PCNX2: variants seen among roughly 807,000 people sequenced by gnomAD.
PCNX2 encodes pecanex 2, also known as pecanex-like protein 2.
In PCNX2, 168 loss-of-function variants were observed where a neutral mutation model predicts 223.8. That is an observed-to-expected ratio of 0.75 (90% CI 0.66 to 0.85). The LOEUF is 0.85. Ranked by LOEUF, PCNX2 falls within the 40% of genes least tolerant of loss-of-function variation. PCNX2 has a pLI of 0.00. For missense variants in PCNX2, 2,507 were observed against 2,675.5 expected (o/e 0.94, Z 1.39); for synonymous variants, 1,006 against 1,052.6 (o/e 0.96, Z 0.86).
chr1:233,206,117 C>T (rs1032989636), intron 13 of PCNX2, among the ~76,000 whole-genome samples: 1 of 152,044 alleles, frequency 6.6e-6, no homozygotes, highest in Non-Finnish European at 1.5e-5. Context: ...CCAGCTCAAG[C>T]CACAGATCCC....
chr1:233,166,788 T>C (rs1416112256), intron 17 of PCNX2, among the ~76,000 whole-genome samples: 2 of 152,164 alleles, frequency 1.3e-5, no homozygotes, highest in Non-Finnish European at 2.9e-5. Context: ...ATATATTTTT[T>C]TTTGGTGGGA....
At chr1:233,077,458 T>C (rs560602478) in intron 23 of PCNX2, among the ~76,000 whole-genome samples, 179 of 152,180 alleles carry the variant, frequency 1.2e-3, no homozygotes, top group Non-Finnish European at 2.1e-3. Flanking sequence ...GGCTCCTGTT[T>C]ACCAGTGATA....
intron 23 of PCNX2, among the ~76,000 whole-genome samples, chr1:233,081,044 C>T (rs1254089826): frequency 6.6e-6 from 1 of 152,122 alleles, no homozygotes; most frequent in Non-Finnish European, 1.5e-5. Context: ...TCAAATCACC[C>T]ATTTAAAAAG....
chr1:233,074,320 C>T (rs556535384), intron 23 of PCNX2, among the ~76,000 whole-genome samples: 2 of 152,224 alleles, frequency 1.3e-5, no homozygotes, highest in Middle Eastern at 3.4e-3. Flanking sequence ...CGAGGCCGGG[C>T]GCGGTGGCTC....
At chr1:233,133,305 T>C (rs1186168671) in intron 21 of PCNX2, among the ~76,000 whole-genome samples, 3 of 152,222 alleles carry the variant, frequency 2.0e-5, no homozygotes, top group Non-Finnish European at 2.9e-5. Flanking sequence ...ACATTTATTA[T>C]GTGAGATGAC....
At chr1:233,092,949 C>G (rs1392149283) in intron 22 of PCNX2, among the ~76,000 whole-genome samples, 1 of 152,142 alleles carries the variant, frequency 6.6e-6, no homozygotes, top group Non-Finnish European at 1.5e-5. Flanking sequence ...CAGGCGCCCA[C>G]TACCATGCCC....
chr1:233,075,631 A>G (rs138246722), intron 23 of PCNX2, among the ~76,000 whole-genome samples: 1 of 151,996 alleles, frequency 6.6e-6, no homozygotes, highest in Non-Finnish European at 1.5e-5. Context: ...GGAAACTGGT[A>G]AAGAATACAT....
chr1:233,225,229 T>C (rs1233413517), intron 10 of PCNX2, among the ~76,000 whole-genome samples: 2 of 152,046 alleles, frequency 1.3e-5, no homozygotes, highest in Non-Finnish European at 2.9e-5. Flanking sequence ...TTATTTTTAA[T>C]TTTTCTTCTT....
rs1159906557 is a variant in PCNX2 at position 233,158,216 on chromosome 1, T to C, written c.3517+2067A>G. ...CCGAGTTGTTAATGGCCCACTCCTATCTTTCACTGTTGAATTCTACACTCT... is the reference window on the plus strand; with the variant it reads ...CCGAGTTGTTAATGGCCCACTCCTACCTTTCACTGTTGAATTCTACACTCT... On this transcript the variant is annotated intron_variant, in intron 19 of 33. Transcript: ENST00000258229. Among the ~76,000 whole-genome samples the C allele has an allele frequency of 7.2e-5, 11 of 152,298 alleles. No homozygotes were observed. The East Asian group carries it at 1.5e-3, about 21-fold the overall frequency.
At chr1:233,051,225 C>T (rs767476023) in intron 25 of PCNX2, among the ~76,000 whole-genome samples, 1 of 152,132 alleles carries the variant, frequency 6.6e-6, no homozygotes. Flanking sequence ...GAAAAGGGAA[C>T]ATTTATACAC....
Position 232,986,343 on chromosome 1 carries a change from G to A in PCNX2, c.5989C>T (p.Gln1997Ter). 1 of 1,598,794 alleles carries A rather than the reference G, an allele frequency of 6.3e-7. No homozygotes were observed. The highest frequency in any genetic ancestry group is 8.5e-7 in the Non-Finnish European group (1 of 1,173,302). The change falls in exon 33 of 34, where the codon CAG becomes TAG. Residue 1997 changes from glutamine to a stop codon, truncating the protein, a stop_gained. Transcript: ENST00000258229. LOFTEE classifies it high-confidence loss of function. Reference protein sequence around the residue: ...LHASATSLHSQPPPVTTTGHL... With the variant: ...LHASATSLHS ...CCGGTGGTGGTGACGGGCGGGGGCT[G>A]AGAGTGCAGGGACGTGGCCGAGGCG...
intron 12 of PCNX2, among the ~76,000 whole-genome samples, chr1:233,212,954 T>C (rs776917598): frequency 2.0e-5 from 3 of 152,212 alleles, no homozygotes; most frequent in Non-Finnish European, 4.4e-5. Flanking sequence ...ATAAGTCATA[T>C]TGATAATTTG....
At chr1:233,311,333 G>A in the PCNX2 span, among the ~76,000 whole-genome samples, 1 of 152,196 alleles carries the variant, frequency 6.6e-6, no homozygotes, top group South Asian at 2.1e-4. Flanking sequence ...TGGAAAGATG[G>A]AGACCCAAGT....
At chr1:233,039,739 T>A (rs1671578900) in intron 25 of PCNX2, among the ~76,000 whole-genome samples, 1 of 152,204 alleles carries the variant, frequency 6.6e-6, no homozygotes, top group Non-Finnish European at 1.5e-5. Flanking sequence ...CTGGCTTTGG[T>A]TTTCAAATTA....
chr1:233,293,828 G>A, intron 1 of PCNX2: 5 of 404,068 alleles, frequency 1.2e-5, no homozygotes, highest in Non-Finnish European at 1.7e-5. Flanking sequence ...GCTCATATTA[G>A]GTCTAGTGAG....
At chr1:233,105,848 A>G (rs757858775) in intron 21 of PCNX2, among the ~76,000 whole-genome samples, 1 of 152,222 alleles carries the variant, frequency 6.6e-6, no homozygotes, top group Non-Finnish European at 1.5e-5. Context: ...ATAAACACAA[A>G]TGAAGTCGAC....
rs1207811135 is a variant in PCNX2, at chr1:233,295,679, G to A, written c.-201C>T. On this transcript the variant is annotated 5_prime_UTR_variant, in exon 1 of 34. Coordinates refer to ENST00000258229, the MANE Select transcript of PCNX2 (RefSeq NM_014801.4). This position sits in a 1 kb window ranked among gnomAD's most constrained non-coding sequence, Gnocchi z 4.1. ...GCCCGGACCCGCGAACCGCGGCGCC[G>A]GAGCCGGCTGCTGCGGCCGGGCAGG... 4.3e-5 allele frequency: 22 copies of A among 513,298 alleles called. No individual in the cohort carries two copies. Among genetic ancestry groups the A allele is most frequent in the Non-Finnish European group, 6.0e-5 (20 of 335,298 alleles). 31.8% of individuals were successfully genotyped at this position (513,298 alleles called of 1,614,324 possible). A position where few individuals can be genotyped will look rare whatever the true frequency, so the allele number is the denominator to read the frequency against.
At chr1:233,156,827 A>G (rs1678162645) in intron 19 of PCNX2, among the ~76,000 whole-genome samples, 1 of 152,180 alleles carries the variant, frequency 6.6e-6, no homozygotes, top group Admixed American at 6.5e-5. Context: ...CTGAGGCAGG[A>G]GAATCACTTG....
chr1:233,087,382 T>A (rs148100168), intron 23 of PCNX2, among the ~76,000 whole-genome samples: 1 of 152,168 alleles, frequency 6.6e-6, no homozygotes, highest in East Asian at 1.9e-4. Context: ...GACGAGAATG[T>A]CTTTTCAGGC....
Sources: gnomAD v4.1 joint callset for allele counts (sites outside exome capture counted in the v4.1 genomes callset) on GRCh38, gnomAD v4.1.1 for gene constraint, Gnocchi (gnomAD v3.1) non-coding constraint, MANE v1.5 for transcripts, NCBI Gene and HGNC (gene_info 2026-07-23, HGNC 2026-07-21) for gene names.